SSBP1: variants seen among roughly 807,000 people sequenced by gnomAD.
The protein encoded by SSBP1 is single-stranded DNA-binding protein, mitochondrial.
SSBP1 carries 20 observed loss-of-function variants against 27.0 expected under a neutral mutation model. That is an observed-to-expected ratio of 0.74 (90% CI 0.52 to 1.08). SSBP1 has a LOEUF of 1.08. Among genes scored for constraint, SSBP1 ranks in the 50% least tolerant of loss-of-function variants. The pLI, the probability that SSBP1 is intolerant of heterozygous loss-of-function variation, is 0.00. For missense variants in SSBP1, 137 were observed against 182.4 expected (o/e 0.75, Z 1.44); for synonymous variants, 59 against 59.3 (o/e 1.00, Z 0.02).
At chr7:141,748,322 C>G (rs1263810451) in intron 6 of SSBP1, among the ~76,000 whole-genome samples, 2 of 152,052 alleles carry the variant, frequency 1.3e-5, no homozygotes, top group African/African-American at 2.4e-5. Flanking sequence ...GTTCAAATTT[C>G]CTTGATAACT....
rs921291875 is a variant in SSBP1, at chr7:141,743,634, A to C, written c.159A>C (p.Pro53=). 19 of 1,614,210 alleles carry C rather than the reference A, an allele frequency of 1.2e-5. No homozygotes were observed. The highest frequency in any genetic ancestry group is 1.5e-5 in the Non-Finnish European group (18 of 1,180,036). The change falls in exon 4 of 7, where the codon CCA becomes CCC. Residue 53 remains proline (P), a synonymous_variant. Transcript: ENST00000265304. ...TGAGACAGGTGGAAGGAAAAAATCCAGTCACAATATTTTCTCTAGCAACTA... is the reference window on the plus strand; with the variant it reads ...TGAGACAGGTGGAAGGAAAAAATCCCGTCACAATATTTTCTCTAGCAACTA... ...PVLRQVEGKN[P]VTIFSLATNE... is the part of the protein sequence containing the mutation.
At chr7:141,749,828 C>T (rs1055970143) in intron 6 of SSBP1, among the ~76,000 whole-genome samples, 5 of 152,180 alleles carry the variant, frequency 3.3e-5, no homozygotes, top group African/African-American at 1.2e-4. Flanking sequence ...AATAAAATTT[C>T]TTCTATTTGA....
chr7:141,743,666 T>C lies in SSBP1; in HGVS notation c.191T>C (p.Met64Thr). Residue 64 changes from methionine (M) to threonine (T), a missense_variant, in exon 4 of 7, where the codon ATG becomes ACG. Physicochemically the swap from Met to Thr is moderately conservative, Grantham distance 81. Coordinates refer to ENST00000265304, the MANE Select transcript of SSBP1 (RefSeq NM_003143.3). ...VTIFSLATNE[M>T]WRSGDSEVYQ... Reference sequence around the variant, plus strand: ...ATATTTTCTCTAGCAACTAATGAGATGTGGCGATCAGGGGATAGTGAAGTT... The same window carrying C: ...ATATTTTCTCTAGCAACTAATGAGACGTGGCGATCAGGGGATAGTGAAGTT... The C allele has an allele frequency of 6.2e-7, 1 of 1,614,208 alleles. No individual in the cohort carries two copies. Among genetic ancestry groups the C allele is most frequent in the Non-Finnish European group, 8.5e-7 (1 of 1,180,040 alleles).
chr7:141,743,574 G>A lies in SSBP1; in HGVS notation c.99G>A (p.Val33=). The change falls in exon 4 of 7, where the codon GTG becomes GTA. Residue 33 remains valine (V), a synonymous_variant. Transcript: ENST00000265304. ...SLVLERSLNR[V]HLLGRVGQDP... ...GTTGTGTTTCAGCCCTGAATCGTGTGCACTTACTTGGGCGAGTGGGTCAGG... is the reference window on the plus strand; with the variant it reads ...GTTGTGTTTCAGCCCTGAATCGTGTACACTTACTTGGGCGAGTGGGTCAGG... 2 of 1,614,140 alleles carry A rather than the reference G, an allele frequency of 1.2e-6. No individual in the cohort carries two copies. Among genetic ancestry groups the A allele is most frequent in the Non-Finnish European group, 1.7e-6 (2 of 1,180,018 alleles).
chr7:141,740,155 G>A (rs1799473634), intron 2 of SSBP1: 1 of 152,124 alleles, frequency 6.6e-6, no homozygotes, highest in African/African-American at 2.4e-5. Context: ...TCATGACACA[G>A]GTTCTCATTA....
intron 6 of SSBP1, 83 bp from the exon 7 acceptor site, chr7:141,750,228 A>T: frequency 1.0e-6 from 1 of 986,584 alleles, no homozygotes; most frequent in South Asian, 1.5e-5. Context: ...ACAGCACTAA[A>T]GTTATATGTA....
chr7:141,741,483 ACCT>A (rs1799529815), intron 2 of SSBP1: 1 of 152,078 alleles, frequency 6.6e-6, no homozygotes, highest in Non-Finnish European at 1.5e-5. Context: ...TTTATTCCAC[ACCT>A]CCTGACACTT....
Position 141,750,320 on chromosome 7 carries a change from T to C in SSBP1, c.413T>C (p.Ile138Thr). 6.3e-7 allele frequency: 1 copy of C among 1,598,252 alleles called. No individual in the cohort carries two copies. Residue 138 changes from isoleucine to threonine, a missense_variant, in exon 7 of 7, where the codon ATA becomes ACA. Coordinates refer to ENST00000265304, the MANE Select transcript of SSBP1 (RefSeq NM_003143.3). The part of the protein sequence containing the change: ...QATTIIADNI[I>T]FLSDQTKEKE ...TTTGGCTTTTTTACAGATAATATTA[T>C]ATTTCTGAGTGACCAGACGAAAGAG... is the stretch of plus-strand genomic sequence containing the variant.
chr7:141,750,239 T>G, intron 6 of SSBP1, 72 bp from the exon 7 acceptor site: 1 of 1,100,678 alleles, frequency 9.1e-7, no homozygotes, highest in Non-Finnish European at 1.3e-6. Flanking sequence ...GTTATATGTA[T>G]TAGAGGAGAA....
At position 141,743,753 on chromosome 7, in the gene SSBP1, T is replaced by C. The variant is rs3213666; in HGVS notation, c.226+52T>C. On this transcript the variant is annotated intron_variant, in intron 4 of 6. Coordinates refer to ENST00000265304, the MANE Select transcript of SSBP1 (RefSeq NM_003143.3). ...TTTTATCAGCAATAAATAGATATTA[T>C]TTATTGCCAGTTATCTAATTTAGAG... 4,836 of 1,582,064 alleles carry C rather than the reference T, an allele frequency of 3.1e-3. 96 individuals are homozygous for C. The East Asian group carries it at 0.037, about 12-fold the overall frequency.
chr7:141,744,073 C>G, intron 5 of SSBP1, 84 bp downstream of exon 5: 3 of 1,200,902 alleles, frequency 2.5e-6, no homozygotes, highest in Non-Finnish European at 3.5e-6. Context: ...AGTGTGTAGT[C>G]TCTTAAATCC....
chr7:141,739,337 C>T (rs1333846311), intron 2 of SSBP1, 147 bp downstream of exon 2: 12 of 533,784 alleles, frequency 2.2e-5, no homozygotes, highest in Non-Finnish European at 3.1e-5. Context: ...GGATTGGGGA[C>T]GATTTTGCCA....
At chr7:141,746,340 CT>C (rs1214257720) in intron 6 of SSBP1, 2 of 149,318 alleles carry the variant, frequency 1.3e-5, no homozygotes, top group South Asian at 2.2e-4. Flanking sequence ...TTAATTTTCT[CT>C]TTTTTTGTTT....
At position 141,745,529 on chromosome 7, in the gene SSBP1, T is replaced by C; in HGVS notation, c.348T>C (p.Tyr116=). 6.2e-7 allele frequency: 1 copy of C among 1,609,816 alleles called. No individual in the cohort carries two copies. The highest frequency in any genetic ancestry group is 8.5e-7 in the Non-Finnish European group (1 of 1,177,594). Residue 116 remains tyrosine (Y), a synonymous_variant, in exon 6 of 7, where the codon TAT becomes TAC. Transcript: ENST00000265304. ...SRIYLEGKID[Y]GEYMDKNNVR... The stretch of plus-strand genomic sequence containing the variant: ...TTTATTTGGAAGGGAAAATAGACTA[T>C]GGTGAATACATGGATAAAAATAATG...
chr7:141,743,274 TGC>T lies in SSBP1; in HGVS notation c.86-286_86-285del, dbSNP rs1002545813. 8.3e-4 allele frequency among the ~76,000 whole-genome samples: 127 copies of T among 152,234 alleles called. 2 individuals carry two copies. Among genetic ancestry groups the T allele is most frequent in the African/African-American group, 3.0e-3 (126 of 41,460 alleles). ...AGAGGCTAAAAATCCAAGATTCGTG[TGC>T]CAGTATGATTGAGCTCTTGGCGAGG... On this transcript the variant is annotated intron_variant, in intron 3 of 6. Coordinates refer to ENST00000265304, the MANE Select transcript of SSBP1 (RefSeq NM_003143.3).
At chr7:141,748,051 T>C (rs1799848805) in intron 6 of SSBP1, among the ~76,000 whole-genome samples, 1 of 129,650 alleles carries the variant, frequency 7.7e-6, no homozygotes, top group Non-Finnish European at 1.7e-5. Context: ...ATGTCAAACA[T>C]GTATAAGAGC....
intron 6 of SSBP1, 108 bp from the exon 7 acceptor site, chr7:141,750,203 A>ATG: frequency 2.5e-6 from 2 of 801,228 alleles, no homozygotes; most frequent in Non-Finnish European, 2.0e-6. Flanking sequence ...AAGATGGCTA[A>ATG]AATCCTTTTA....
rs76547615 is a variant in SSBP1 at position 141,750,385 on chromosome 7, G to A, written c.*31G>A. The A allele has an allele frequency of 1.7e-4, 269 of 1,556,276 alleles. No homozygotes were observed. The African/African-American group carries it at 2.8e-3, about 16-fold the overall frequency. ...ATGATTCTTCTTTGGCCATCATTTG[G>A]TACAGTCTCATTTCCAAGTCATGTA... On this transcript the variant is annotated 3_prime_UTR_variant, in exon 7 of 7. Transcript: ENST00000265304.
chr7:141,742,281 C>G, intron 3 of SSBP1, 52 bp downstream of exon 3: 1 of 1,404,976 alleles, frequency 7.1e-7, no homozygotes, highest in Non-Finnish European at 1.0e-6. Context: ...ATTTGCCAAT[C>G]TCAAATGTGT....
Sources: allele counts gnomAD v4.1 joint callset (sites outside exome capture counted in the v4.1 genomes callset), GRCh38; gene constraint gnomAD v4.1.1; transcripts MANE v1.5; gene names NCBI Gene and HGNC (gene_info 2026-07-23, HGNC 2026-07-21).